The following F2RL1 variants were observed in gnomAD, a reference collection of about 807,000 sequenced individuals.
F2RL1 encodes F2R like trypsin receptor 1.
Under a neutral mutation model 21.7 loss-of-function variants are expected in F2RL1, and 16 were observed. The observed-to-expected ratio is 0.74, with a 90% confidence interval of 0.50 to 1.12. F2RL1 has a LOEUF of 1.12. Ranked by LOEUF, F2RL1 falls within the 50% of genes most tolerant of loss-of-function variation. The pLI is 0.00. For synonymous variants in F2RL1, 181 were observed against 186.7 expected (o/e 0.97, Z 0.25); for missense variants, 432 against 477.8 (o/e 0.90, Z 0.89).
At chr5:76,821,017 G>A (rs1377948568) in intron 1 of F2RL1, among the ~76,000 whole-genome samples, 1 of 152,080 alleles carries the variant, frequency 6.6e-6, no homozygotes, top group African/African-American at 2.4e-5. Context: ...CTCAGGGTGG[G>A]TCTTTGCTCA....
chr5:76,824,035 G>T (rs1437216879), intron 1 of F2RL1, among the ~76,000 whole-genome samples: 1 of 150,642 alleles, frequency 6.6e-6, no homozygotes, highest in Non-Finnish European at 1.5e-5. Flanking sequence ...GATGGTCTCG[G>T]TCTCCTGACC....
chr5:76,819,717 G>T (rs770164051), intron 1 of F2RL1, among the ~76,000 whole-genome samples: 1 of 152,070 alleles, frequency 6.6e-6, no homozygotes, highest in Non-Finnish European at 1.5e-5. Context: ...CCGCGGGGCC[G>T]GTGGGGTTAG....
intron 1 of F2RL1, 146 bp from the exon 2 acceptor site, chr5:76,832,544 T>C (rs1750367170): frequency 2.5e-6 from 2 of 814,656 alleles, no homozygotes; most frequent in Non-Finnish European, 3.7e-6. Context: ...TTATGATCGC[T>C]CCACTACGCT....
intron 1 of F2RL1, among the ~76,000 whole-genome samples, chr5:76,825,266 A>G (rs1750218208): frequency 6.6e-6 from 1 of 152,004 alleles, no homozygotes; most frequent in Admixed American, 6.6e-5. Context: ...CGGCCTCCCA[A>G]AGTGCTGGGA....
chr5:76,830,090 G>T (rs963735185), intron 1 of F2RL1, among the ~76,000 whole-genome samples: 3 of 152,084 alleles, frequency 2.0e-5, no homozygotes, highest in African/African-American at 7.2e-5. Context: ...AGGAATTGGG[G>T]CCACAAGCCC....
chr5:76,823,280 A>G (rs2243022), intron 1 of F2RL1, among the ~76,000 whole-genome samples: 81,416 of 150,066 alleles, frequency 0.54, 22,651 homozygotes, highest in South Asian at 0.72. Flanking sequence ...TGTGTAAATC[A>G]GAAGGGTCTA....
intron 1 of F2RL1, among the ~76,000 whole-genome samples, chr5:76,823,370 GTTTTT>G (rs70982642): frequency 7.9e-6 from 1 of 125,996 alleles, no homozygotes; most frequent in Non-Finnish European, 1.6e-5. Flanking sequence ...TGGTTGGTTG[GTTTTT>G]TTTTTTTTTT....
At position 76,819,156 on chromosome 5, in the gene F2RL1, G is replaced by T; in HGVS notation, c.-27G>T. On this transcript the variant is annotated 5_prime_UTR_variant, in exon 1 of 2. Transcript: ENST00000296677. ...GAATCGGCGGCGGCGGATTCCCCGC[G>T]CGCCCGGCGTCGGGGCTTCCAGGAG... 6.4e-7 allele frequency: 1 copy of T among 1,553,978 alleles called. No individual in the cohort carries two copies. The highest frequency in any genetic ancestry group is 2.0e-4 in the Middle Eastern group (1 of 5,020).
At chr5:76,819,320 C>G in intron 1 of F2RL1, 56 bp downstream of exon 1, 1 of 1,452,410 alleles carries the variant, frequency 6.9e-7, no homozygotes, top group Non-Finnish European at 9.3e-7. Flanking sequence ...GTCCTGGGCA[C>G]GCTGGGCAGA....
intron 1 of F2RL1, among the ~76,000 whole-genome samples, chr5:76,822,704 A>T (rs950852062): frequency 6.6e-6 from 1 of 152,218 alleles, no homozygotes. Flanking sequence ...CTGAAAGAAC[A>T]CTTCTGAAAA....
At chr5:76,826,743 T>A (rs1213063700) in intron 1 of F2RL1, among the ~76,000 whole-genome samples, 1 of 152,210 alleles carries the variant, frequency 6.6e-6, no homozygotes, top group Admixed American at 6.5e-5. Flanking sequence ...TGACCTCAGG[T>A]GATCTGCCTG....
intron 1 of F2RL1, among the ~76,000 whole-genome samples, chr5:76,824,077 G>C (rs1750192192): frequency 6.6e-6 from 1 of 151,652 alleles, no homozygotes; most frequent in Non-Finnish European, 1.5e-5. Flanking sequence ...CTCCCAAAGT[G>C]CTGGGATTAC....
chr5:76,833,462 C>T lies in F2RL1; in HGVS notation c.855C>T (p.Ala285=). 6.2e-7 allele frequency: 1 copy of T among 1,613,880 alleles called. No individual in the cohort carries two copies. Among genetic ancestry groups the T allele is most frequent in the South Asian group, 1.1e-5 (1 of 91,058 alleles). ...DENSEKKRKR[A]IKLIVTVLAM... ...ACTCAGAGAAGAAAAGGAAGAGGGC[C>T]ATCAAACTCATTGTCACTGTCCTGG... The change falls in exon 2 of 2, where the codon GCC becomes GCT. Residue 285 remains alanine, a synonymous_variant. Coordinates refer to ENST00000296677, the MANE Select transcript of F2RL1 (RefSeq NM_005242.6).
At chr5:76,819,547 T>A (rs1380392028) in intron 1 of F2RL1, among the ~76,000 whole-genome samples, 2 of 151,912 alleles carry the variant, frequency 1.3e-5, no homozygotes, top group East Asian at 3.9e-4. Context: ...GCTGGGCACC[T>A]CCAGGCCCCA....
chr5:76,819,098 T>C lies in F2RL1; in HGVS notation c.-85T>C, dbSNP rs924324558. 2 of 1,147,474 alleles carry C rather than the reference T, an allele frequency of 1.7e-6. No homozygotes were observed. Among genetic ancestry groups the C allele is most frequent in the Non-Finnish European group, 1.2e-6 (1 of 810,198 alleles). The allele number at this position is 1,147,474 out of a possible 1,614,324, so 71.1% of individuals were successfully genotyped here. ...TTCGGGGCAGGTGAGAGGCTGACTT[T>C]CTCTCGGTGCGTCCAGTGGAGCTCT... On this transcript the variant is annotated 5_prime_UTR_variant, in exon 1 of 2. Transcript: ENST00000296677.
chr5:76,826,228 C>A (rs140367788), intron 1 of F2RL1, among the ~76,000 whole-genome samples: 1 of 152,042 alleles, frequency 6.6e-6, no homozygotes, highest in Non-Finnish European at 1.5e-5. Flanking sequence ...GCACACCATA[C>A]AATTCACCCC....
At chr5:76,819,656 A>G (rs1249672844) in intron 1 of F2RL1, among the ~76,000 whole-genome samples, 1 of 152,074 alleles carries the variant, frequency 6.6e-6, no homozygotes, top group East Asian at 1.9e-4. Flanking sequence ...CTTTGTAAAC[A>G]CTAAGTCATT....
At chr5:76,832,538 G>A in intron 1 of F2RL1, 152 bp from the exon 2 acceptor site, 1 of 773,940 alleles carries the variant, frequency 1.3e-6, no homozygotes, top group East Asian at 2.7e-5. Flanking sequence ...GGTGCATTAT[G>A]ATCGCTCCAC....
chr5:76,829,652 C>G (rs530756282), intron 1 of F2RL1, among the ~76,000 whole-genome samples: 51 of 152,276 alleles, frequency 3.3e-4, no homozygotes, highest in African/African-American at 1.2e-3. Context: ...TTGTTACATA[C>G]ATTGTCATTC....
Sources: allele counts gnomAD v4.1 joint callset (sites outside exome capture counted in the v4.1 genomes callset), GRCh38; gene constraint gnomAD v4.1.1; transcripts MANE v1.5; gene names NCBI Gene and HGNC (gene_info 2026-07-23, HGNC 2026-07-21).